DCN: variants seen among roughly 807,000 people sequenced by gnomAD.
DCN encodes decorin, also known as bone proteoglycan II.
A neutral mutation model predicts 36.5 loss-of-function variants in DCN; 17 were observed. The ratio of observed to expected loss-of-function variants is 0.47; its 90% CI spans 0.32 to 0.70. DCN has a LOEUF of 0.70. Ranked by LOEUF, DCN falls within the 30% of genes least tolerant of loss-of-function variation. DCN has a pLI of 0.04. For missense variants in DCN, 389 were observed against 430.1 expected (o/e 0.90, Z 0.84); for synonymous variants, 163 against 161.4 (o/e 1.01, Z -0.07).
Position 91,142,083 on chromosome 12 carries a change from T to G in DCN, c.*3975A>C, listed in dbSNP as rs761085085. 3 of 152,212 alleles carry G rather than the reference T, an allele frequency of 2.0e-5. No individual in the cohort carries two copies. Among genetic ancestry groups the G allele is most frequent in the Non-Finnish European group, 2.9e-5 (2 of 68,038 alleles). 9.4% of individuals were successfully genotyped at this position (152,212 alleles called of 1,614,324 possible). On this transcript the variant is annotated 3_prime_UTR_variant, in exon 8 of 8. Coordinates refer to ENST00000052754, the MANE Select transcript of DCN (RefSeq NM_001920.5). ...AAATTGACAGTCTGTCACAGACCTG[T>G]GATTTGAAATAATTGTGACAGATGG...
chr12:91,181,636 C>T (rs13312827), intron 1 of DCN, among the ~76,000 whole-genome samples: 8 of 151,934 alleles, frequency 5.3e-5, no homozygotes, highest in African/African-American at 1.9e-4. Flanking sequence ...CTAGTTAAGC[C>T]CATTAAATGA....
chr12:91,164,689 G>A lies in DCN; in HGVS notation c.240C>T (p.Pro80=), dbSNP rs1486266684. The change falls in exon 3 of 8, where the codon CCC becomes CCT. Residue 80 remains proline (P), a synonymous_variant. Transcript: ENST00000052754. ...LGLDKVPKDL[P]PDTTLLDLQN... is the part of the protein sequence containing the mutation. Reference sequence around the variant, plus strand: ...GCAGGTCTAGCAGAGTTGTGTCAGGGGGAAGATCCTTTGGCACTTTGTCCA... The same window carrying A: ...GCAGGTCTAGCAGAGTTGTGTCAGGAGGAAGATCCTTTGGCACTTTGTCCA... 2.5e-6 allele frequency: 4 copies of A among 1,611,236 alleles called. No individual in the cohort carries two copies. Among genetic ancestry groups the A allele is most frequent in the Non-Finnish European group, 3.4e-6 (4 of 1,177,556 alleles).
chr12:91,153,527 G>A (rs529923582), intron 5 of DCN, among the ~76,000 whole-genome samples: 14 of 152,064 alleles, frequency 9.2e-5, no homozygotes, highest in African/African-American at 2.9e-4. Context: ...AACTGACGTT[G>A]ATAAAAGATA....
rs1565766983 is a variant in DCN, at chr12:91,142,787, C to G, written c.*3271G>C. On this transcript the variant is annotated 3_prime_UTR_variant, in exon 8 of 8. Transcript: ENST00000052754. ...GGGTCAGAGACAAATTTTTAAGTTT[C>G]CAACCTTTTATGTGAAGCACCCATA... The G allele has an allele frequency of 6.6e-6, 1 of 152,060 alleles. No individual in the cohort carries two copies. Among genetic ancestry groups the G allele is most frequent in the African/African-American group, 2.4e-5 (1 of 41,390 alleles). 9.4% of individuals were successfully genotyped at this position (152,060 alleles called of 1,614,324 possible).
chr12:91,181,526 C>G (rs964846086), intron 1 of DCN, among the ~76,000 whole-genome samples: 1 of 152,028 alleles, frequency 6.6e-6, no homozygotes, highest in Non-Finnish European at 1.5e-5. Context: ...ATGACAATGT[C>G]CAAGATGCTA....
intron 7 of DCN, among the ~76,000 whole-genome samples, chr12:91,147,239 T>C (rs1025554703): frequency 3.3e-5 from 5 of 152,202 alleles, no homozygotes; most frequent in African/African-American, 1.2e-4. Flanking sequence ...CAAAGCATGA[T>C]CTCTTCTTAA....
At chr12:91,174,491 A>C (rs998187886) in intron 2 of DCN, among the ~76,000 whole-genome samples, 1 of 152,154 alleles carries the variant, frequency 6.6e-6, no homozygotes, top group South Asian at 2.1e-4. Context: ...TCATTAATAC[A>C]TAAAAATAAA....
intron 2 of DCN, chr12:91,172,611 G>T: frequency 2.0e-6 from 1 of 494,938 alleles, no homozygotes; most frequent in Non-Finnish European, 3.6e-6. Flanking sequence ...TTTTACAGTT[G>T]TCCTTAAAGG....
At chr12:91,162,698 T>A (rs1180949436) in intron 3 of DCN, among the ~76,000 whole-genome samples, 1 of 152,228 alleles carries the variant, frequency 6.6e-6, no homozygotes, top group Non-Finnish European at 1.5e-5. Flanking sequence ...ACTAGGTAAG[T>A]CTCTGTATTG....
intron 6 of DCN, among the ~76,000 whole-genome samples, chr12:91,152,238 A>C (rs1055210657): frequency 6.6e-6 from 1 of 152,096 alleles, no homozygotes; most frequent in South Asian, 2.1e-4. Flanking sequence ...TGGATCAAAA[A>C]CCACTTTTCC....
intron 2 of DCN, chr12:91,177,811 G>GC: frequency 1.5e-6 from 1 of 652,816 alleles, no homozygotes; most frequent in South Asian, 1.6e-5. Flanking sequence ...GAGATTAAGG[G>GC]AGTATTTTGA....
At chr12:91,168,550 A>C (rs1157701791) in intron 2 of DCN, among the ~76,000 whole-genome samples, 1 of 152,114 alleles carries the variant, frequency 6.6e-6, no homozygotes, top group Non-Finnish European at 1.5e-5. Flanking sequence ...TGCCTTTCTG[A>C]TTAATTAATT....
chr12:91,164,886 T>G (rs946420954), intron 2 of DCN, among the ~76,000 whole-genome samples, 169 bp from the exon 3 acceptor site: 7 of 152,212 alleles, frequency 4.6e-5, no homozygotes, highest in Non-Finnish European at 8.8e-5. Flanking sequence ...ATTTTTGCTT[T>G]ATCTTTTGCA....
chr12:91,174,097 T>C lies in DCN; in HGVS notation c.211+4245A>G, dbSNP rs3138180. Reference sequence around the variant, plus strand: ...TTCTAGAGGGCTAAGTGTGTGGGGGTATGAATCACTTATGATTATAAAATA... The same window carrying C: ...TTCTAGAGGGCTAAGTGTGTGGGGGCATGAATCACTTATGATTATAAAATA... On this transcript the variant is annotated intron_variant, in intron 2 of 7. Coordinates refer to ENST00000052754, the MANE Select transcript of DCN (RefSeq NM_001920.5). Among the ~76,000 whole-genome samples, 828 of 152,308 alleles carry C rather than the reference T, an allele frequency of 5.4e-3. 3 individuals are homozygous for C. Among genetic ancestry groups the C allele is most frequent in the African/African-American group, 0.019 (799 of 41,568 alleles).
Position 91,143,040 on chromosome 12 carries a change from T to C in DCN, c.*3018A>G, listed in dbSNP as rs1353915307. 1 of 152,136 alleles carries C rather than the reference T, an allele frequency of 6.6e-6. No individual in the cohort carries two copies. Among genetic ancestry groups the C allele is most frequent in the Non-Finnish European group, 1.5e-5 (1 of 68,032 alleles). 9.4% of individuals were successfully genotyped at this position (152,136 alleles called of 1,614,324 possible). A position where few individuals can be genotyped will look rare whatever the true frequency, so the allele number is the denominator to read the frequency against. ...GAGCCTTAATCCAATATAACTCATG[T>C]TCATAGAAGAAGAAGAGAAAAGACA... On this transcript the variant is annotated 3_prime_UTR_variant, in exon 8 of 8. Transcript: ENST00000052754.
intron 1 of DCN, among the ~76,000 whole-genome samples, chr12:91,181,586 C>T (rs188622296): frequency 2.6e-5 from 4 of 152,106 alleles, no homozygotes; most frequent in East Asian, 3.9e-4. Context: ...CCATAGTTTA[C>T]AAATGTTTTA....
At chr12:91,179,420 G>T (rs1237344375) in intron 1 of DCN, 1 of 152,166 alleles carries the variant, frequency 6.6e-6, no homozygotes, top group Non-Finnish European at 1.5e-5. Flanking sequence ...GTGTCCCCTG[G>T]CTCATCCAGG....
At chr12:91,148,865 G>A (rs905977669) in intron 7 of DCN, among the ~76,000 whole-genome samples, 3 of 151,796 alleles carry the variant, frequency 2.0e-5, no homozygotes, top group Non-Finnish European at 4.4e-5. Context: ...ACAGAAACAA[G>A]GAATATTAAA....
chr12:91,152,109 G>C (rs187345378), intron 6 of DCN, among the ~76,000 whole-genome samples: 102 of 152,082 alleles, frequency 6.7e-4, no homozygotes, highest in Admixed American at 1.2e-3. Flanking sequence ...ATTCCTAATA[G>C]TTTATTTTTA....
Sources: allele counts gnomAD v4.1 joint callset (sites outside exome capture counted in the v4.1 genomes callset), GRCh38; gene constraint gnomAD v4.1.1; transcripts MANE v1.5; gene names NCBI Gene and HGNC (gene_info 2026-07-23, HGNC 2026-07-21).